Variants in IKZF1 observed in about 807,000 individuals in gnomAD.
The protein encoded by IKZF1 is IKAROS family zinc finger 1, also known as DNA-binding protein Ikaros.
IKZF1 carries 10 observed loss-of-function variants against 51.7 expected under a neutral mutation model. The observed-to-expected ratio is 0.19, with a 90% CI of 0.12 to 0.33. The LOEUF (loss-of-function observed/expected upper bound fraction) is 0.33. Ranked by LOEUF, IKZF1 falls within the 10% of genes least tolerant of loss-of-function variation. The pLI is 1.00. For synonymous variants in IKZF1, 280 were observed against 282.3 expected, an observed-to-expected ratio of 0.99 and a Z score of 0.08; for missense variants, 484 against 707.5, an observed-to-expected ratio of 0.68 and a Z score of 3.58.
Position 50,400,158 on chromosome 7 carries a change from C to T in IKZF1, c.1091C>T (p.Ser364Leu), listed in dbSNP as rs771544454. Reference sequence around the variant, plus strand: ...GAGGGCACCCCGCGCTCCAACCACTCGGCCCAGGACAGCGCCGTGGAGAAC... The same window carrying T: ...GAGGGCACCCCGCGCTCCAACCACTTGGCCCAGGACAGCGCCGTGGAGAAC... ...LAEGTPRSNH[S>L]AQDSAVENLL... Residue 364 changes from serine (S) to leucine (L), a missense_variant, in exon 8 of 8, where the codon TCG becomes TTG. Transcript: ENST00000331340. This position sits in a 1 kb window ranked among gnomAD's most constrained non-coding sequence, Gnocchi z 5.4. 6.4e-7 allele frequency: 1 copy of T among 1,562,780 alleles called. No homozygotes were observed. Among genetic ancestry groups the T allele is most frequent in the South Asian group, 1.2e-5 (1 of 85,328 alleles).
chr7:50,304,087 G>A (rs967307116), upstream of IKZF1: 2 of 145,142 alleles, frequency 1.4e-5, no homozygotes, highest in Non-Finnish European at 3.1e-5. Flanking sequence ...GCGGGCGAGC[G>A]GGCTGCAGCC....
At position 50,376,124 on chromosome 7, in the gene IKZF1, G is replaced by A. The variant is rs1446390526; in HGVS notation, c.161-409G>A. On this transcript the variant is annotated intron_variant, in intron 3 of 7. Coordinates refer to ENST00000331340, the MANE Select transcript of IKZF1 (RefSeq NM_006060.6). The surrounding 1 kb of genome is among the most constrained non-coding windows in gnomAD (Gnocchi z 4.5). The stretch of plus-strand genomic sequence containing the variant: ...CACACATCCTAGAGAGCTGGATTGT[G>A]TGACCCAGAACCCACCCTCTAGGGC... 6.6e-6 allele frequency among the ~76,000 whole-genome samples: 1 copy of A among 152,232 alleles called. No individual in the cohort carries two copies. Among genetic ancestry groups the A allele is most frequent in the Non-Finnish European group, 1.5e-5 (1 of 68,042 alleles).
chr7:50,382,437 G>T, intron 4 of IKZF1, 103 bp from the exon 5 acceptor site: 1 of 1,437,614 alleles, frequency 7.0e-7, no homozygotes, highest in Non-Finnish European at 9.2e-7. Context: ...CCTGCAGCCG[G>T]TGGAAGTCAC....
At chr7:50,365,916 A>C (rs1445649051) in intron 3 of IKZF1, among the ~76,000 whole-genome samples, 1 of 152,244 alleles carries the variant, frequency 6.6e-6, no homozygotes, top group African/African-American at 2.4e-5. Context: ...AATGTGGTAC[A>C]TATACCCCAT....
In IKZF1 at chr7:50,402,904, C is replaced by A. The variant is rs1275347040; in HGVS notation, c.*2277C>A. ...TATGCAATCACAGAGAAAGATGCGC[C>A]TTATCCAAGTTAATATCTCTAAGGT... On this transcript the variant is annotated 3_prime_UTR_variant, in exon 8 of 8. Coordinates refer to ENST00000331340, the MANE Select transcript of IKZF1 (RefSeq NM_006060.6). 1 of 229,352 alleles carries A rather than the reference C, an allele frequency of 4.4e-6. No homozygotes were observed. The highest frequency in any genetic ancestry group is 2.2e-5 in the African/African-American group (1 of 45,118). The allele number at this position is 229,352 out of a possible 1,614,324, so 14.2% of individuals were successfully genotyped here. A position where few individuals can be genotyped will look rare whatever the true frequency, so the allele number is the denominator to read the frequency against.
chr7:50,368,333 G>T (rs922355666), intron 3 of IKZF1: 1 of 703,152 alleles, frequency 1.4e-6, no homozygotes, highest in African/African-American at 1.7e-5. Flanking sequence ...TTGTTACTTC[G>T]CAGATGCTGC....
intron 3 of IKZF1, chr7:50,367,958 C>T (rs1457679176): frequency 1.6e-6 from 1 of 636,026 alleles, no homozygotes; most frequent in Non-Finnish European, 2.8e-6. Context: ...TGACTATACT[C>T]TCTCCTGGTA....
intron 2 of IKZF1, 94 bp from the exon 3 acceptor site, chr7:50,327,544 C>G: frequency 7.0e-7 from 1 of 1,430,368 alleles, no homozygotes; most frequent in Admixed American, 2.5e-5. Context: ...CCAGTACCTG[C>G]CTCCTCATGC....
intron 7 of IKZF1, among the ~76,000 whole-genome samples, chr7:50,398,951 A>G (rs1277784409): frequency 6.6e-6 from 1 of 152,234 alleles, no homozygotes; most frequent in East Asian, 1.9e-4. Context: ...TTTTGTATTA[A>G]GATATTTACT....
chr7:50,361,234 T>A (rs968884895), intron 3 of IKZF1, among the ~76,000 whole-genome samples: 1 of 152,176 alleles, frequency 6.6e-6, no homozygotes, highest in African/African-American at 2.4e-5. Context: ...ATTATCATTT[T>A]TGCATTTTCT....
intron 7 of IKZF1, among the ~76,000 whole-genome samples, chr7:50,397,077 G>C (rs1448838569): frequency 6.6e-6 from 1 of 152,210 alleles, no homozygotes; most frequent in South Asian, 2.1e-4. Flanking sequence ...ATAGATATGA[G>C]GCTATGAGGG....
At chr7:50,312,412 G>A (rs1461028916) in intron 1 of IKZF1, among the ~76,000 whole-genome samples, 8 of 152,216 alleles carry the variant, frequency 5.3e-5, no homozygotes, top group African/African-American at 1.7e-4. Flanking sequence ...TGCCTGTAAC[G>A]TCAGGACAGA....
rs531144561 is a variant in IKZF1, at chr7:50,351,080, C to CTA, written c.160+23326_160+23327dup. ...GAATAAAATAGTGGAAGCCAATTAA[C>CTA]TATAGACTTCATTAGTTTGGATTTA... On this transcript the variant is annotated intron_variant, in intron 3 of 7. Coordinates refer to ENST00000331340, the MANE Select transcript of IKZF1 (RefSeq NM_006060.6). Among the ~76,000 whole-genome samples, 1,191 of 152,336 alleles carry CTA rather than the reference C, an allele frequency of 7.8e-3. 8 individuals are homozygous for CTA. Among genetic ancestry groups the CTA allele is most frequent in the Non-Finnish European group, 0.013 (912 of 68,030 alleles).
At chr7:50,336,108 A>G (rs982036084) in intron 3 of IKZF1, among the ~76,000 whole-genome samples, 1 of 152,166 alleles carries the variant, frequency 6.6e-6, no homozygotes, top group Non-Finnish European at 1.5e-5. Flanking sequence ...ACTGACCCCT[A>G]CAAAAAGCTT....
At position 50,402,012 on chromosome 7, in the gene IKZF1, C is replaced by T. The variant is rs149985644; in HGVS notation, c.*1385C>T. The stretch of plus-strand genomic sequence containing the variant: ...TTCGGAGAGTAATGCCACCAGATCC[C>T]CTAGGAAAGAGGAGGCAAATGGCAC... On this transcript the variant is annotated 3_prime_UTR_variant, in exon 8 of 8. Transcript: ENST00000331340. 739 of 229,388 alleles carry T rather than the reference C, an allele frequency of 3.2e-3. 4 individuals are homozygous for T. The Middle Eastern group carries it at 0.055, about 17-fold the overall frequency. The allele number at this position is 229,388 out of a possible 1,614,324, so 14.2% of individuals were successfully genotyped here. A position where few individuals can be genotyped will look rare whatever the true frequency, so the allele number is the denominator to read the frequency against.
chr7:50,373,884 A>C (rs1481576774), intron 3 of IKZF1, among the ~76,000 whole-genome samples: 1 of 151,980 alleles, frequency 6.6e-6, no homozygotes, highest in Non-Finnish European at 1.5e-5. Context: ...TATCTCCTTT[A>C]TTTTCCAAGT....
At chr7:50,327,848 A>G (rs1375349820) in intron 3 of IKZF1, 91 bp downstream of exon 3, 11 of 1,370,046 alleles carry the variant, frequency 8.0e-6, no homozygotes, top group Non-Finnish European at 1.1e-5. Context: ...AAGTCATTTT[A>G]TCCATTGTGT....
intron 7 of IKZF1, among the ~76,000 whole-genome samples, chr7:50,397,637 A>G (rs745438776): frequency 7.5e-4 from 114 of 152,360 alleles, no homozygotes; most frequent in Middle Eastern, 6.8e-3. Flanking sequence ...AGACTTGGAT[A>G]CAAACTAGAA....
chr7:50,341,790 A>G (rs1799126249), intron 3 of IKZF1, among the ~76,000 whole-genome samples: 1 of 152,162 alleles, frequency 6.6e-6, no homozygotes. Flanking sequence ...TGTTAATGAA[A>G]TATTTTACTC....
Sources: allele counts gnomAD v4.1 joint callset (sites outside exome capture counted in the v4.1 genomes callset), GRCh38; gene constraint gnomAD v4.1.1; non-coding constraint Gnocchi (gnomAD v3.1); transcripts MANE v1.5; gene names NCBI Gene and HGNC (gene_info 2026-07-23, HGNC 2026-07-21).